PLCB4: variants seen among roughly 807,000 people sequenced by gnomAD.
The protein encoded by PLCB4 is phospholipase C beta 4, also known as 1-phosphatidylinositol 4,5-bisphosphate phosphodiesterase beta-4.
A neutral mutation model predicts 178.8 loss-of-function variants in PLCB4; 77 were observed. That is an observed-to-expected ratio of 0.43 (90% CI 0.36 to 0.52). PLCB4 has a LOEUF of 0.52. PLCB4 is among the 20% of genes least tolerant of loss of function. PLCB4 has a pLI of 0.00. For missense variants in PLCB4, 1,024 were observed against 1,453.4 expected (o/e 0.70, Z 4.80); for synonymous variants, 496 against 490.8 (o/e 1.01, Z -0.14).
intron 7 of PLCB4, among the ~76,000 whole-genome samples, chr20:9,353,881 A>C (rs2034556991): frequency 6.6e-6 from 1 of 152,206 alleles, no homozygotes; most frequent in Non-Finnish European, 1.5e-5. Flanking sequence ...GTACTGGCCC[A>C]AGTCATGTTC....
chr20:9,335,429 A>G (rs958189244), intron 4 of PLCB4, among the ~76,000 whole-genome samples: 8 of 152,190 alleles, frequency 5.3e-5, no homozygotes, highest in Admixed American at 1.3e-4. Flanking sequence ...AGATTCATCT[A>G]AAGTATCAAC....
At chr20:9,314,872 ATT>A (rs113478542) in intron 4 of PLCB4, among the ~76,000 whole-genome samples, 5 of 141,180 alleles carry the variant, frequency 3.5e-5, no homozygotes, top group Admixed American at 7.1e-5. Context: ...GGGTAGAGGA[ATT>A]TTTTTTTTTT....
chr20:9,069,263 A>C (rs946915410), intron 1 of PLCB4, 57 bp downstream of exon 1: 1 of 152,430 alleles, frequency 6.6e-6, no homozygotes, highest in Admixed American at 6.6e-5. Context: ...CTTGGCCCTC[A>C]GGGCTTGTTT....
chr20:9,429,584 G>C (rs1269881971), intron 28 of PLCB4, among the ~76,000 whole-genome samples: 1 of 152,170 alleles, frequency 6.6e-6, no homozygotes, highest in Non-Finnish European at 1.5e-5. Context: ...CATTTTTCAA[G>C]TACAGTTACA....
intron 22 of PLCB4, among the ~76,000 whole-genome samples, chr20:9,408,326 A>G (rs1323012168): frequency 6.6e-6 from 1 of 152,202 alleles, no homozygotes; most frequent in Non-Finnish European, 1.5e-5. Flanking sequence ...AAGTGCATTC[A>G]CAAGACTCCT....
chr20:9,422,820 G>C (rs770031472), intron 27 of PLCB4, among the ~76,000 whole-genome samples: 4 of 152,204 alleles, frequency 2.6e-5, no homozygotes, highest in Non-Finnish European at 4.4e-5. Flanking sequence ...AGGAGCAAGA[G>C]AGAGGGAAAT....
chr20:9,439,617 A>G (rs1351948477), intron 30 of PLCB4, among the ~76,000 whole-genome samples: 2 of 152,198 alleles, frequency 1.3e-5, no homozygotes, highest in African/African-American at 2.4e-5. Flanking sequence ...CTGGAATAGA[A>G]TGATCCACAG....
intron 4 of PLCB4, among the ~76,000 whole-genome samples, chr20:9,327,284 A>ATT (rs34675088): frequency 3.4e-5 from 5 of 148,660 alleles, no homozygotes; most frequent in African/African-American, 1.3e-4. Flanking sequence ...ACAAAAAAAA[A>ATT]TTTTTTTTTT....
chr20:9,402,263 A>T (rs1463155445), intron 20 of PLCB4, among the ~76,000 whole-genome samples: 1 of 152,220 alleles, frequency 6.6e-6, no homozygotes, highest in Non-Finnish European at 1.5e-5. Context: ...AGAATAATGA[A>T]GTAGAAAGAA....
intron 3 of PLCB4, among the ~76,000 whole-genome samples, chr20:9,276,214 G>C (rs910912216): frequency 6.6e-6 from 1 of 152,084 alleles, no homozygotes; most frequent in Non-Finnish European, 1.5e-5. Context: ...CAGGAATCCA[G>C]GCTGATGAGA....
intron 1 of PLCB4, among the ~76,000 whole-genome samples, chr20:9,075,748 G>A (rs1204575330): frequency 6.6e-6 from 1 of 152,232 alleles, no homozygotes; most frequent in Non-Finnish European, 1.5e-5. Flanking sequence ...AGGATTACCA[G>A]TGCCTCCACA....
At chr20:9,464,352 A>G (rs1185560871) in intron 35 of PLCB4, among the ~76,000 whole-genome samples, 1 of 152,208 alleles carries the variant, frequency 6.6e-6, no homozygotes, top group Non-Finnish European at 1.5e-5. Context: ...TGACACCCTA[A>G]CGTCACAATT....
At chr20:9,242,096 T>C (rs2094070068) in intron 3 of PLCB4, among the ~76,000 whole-genome samples, 1 of 152,180 alleles carries the variant, frequency 6.6e-6, no homozygotes, top group African/African-American at 2.4e-5. Flanking sequence ...GCAGGTGCTG[T>C]TTTCTCATTC....
intron 4 of PLCB4, among the ~76,000 whole-genome samples, chr20:9,311,959 C>T (rs1436673962): frequency 6.6e-6 from 1 of 152,164 alleles, no homozygotes; most frequent in Non-Finnish European, 1.5e-5. Context: ...TTTAATCTTA[C>T]ATAATTTAAA....
At chr20:9,206,023 A>G (rs1295182932) in intron 2 of PLCB4, among the ~76,000 whole-genome samples, 3 of 152,210 alleles carry the variant, frequency 2.0e-5, no homozygotes, top group Non-Finnish European at 2.9e-5. Flanking sequence ...TGAAAATTAC[A>G]TATGTAATTT....
At chr20:9,090,972 T>G (rs1019833870) in intron 1 of PLCB4, among the ~76,000 whole-genome samples, 1 of 152,176 alleles carries the variant, frequency 6.6e-6, no homozygotes, top group Admixed American at 6.6e-5. Flanking sequence ...TTCAAATGAA[T>G]TCATTATTTT....
chr20:9,275,255 C>T (rs1379389819), intron 3 of PLCB4, among the ~76,000 whole-genome samples: 1 of 151,940 alleles, frequency 6.6e-6, no homozygotes, highest in African/African-American at 2.4e-5. Flanking sequence ...AGCATAAACC[C>T]CTGATAAACC....
At position 9,265,603 on chromosome 20, in the gene PLCB4, G is replaced by A. The variant is rs139460680; in HGVS notation, c.-15-42197G>A. Among the ~76,000 whole-genome samples the A allele has an allele frequency of 3.4e-3, 513 of 152,236 alleles. 2 individuals carry two copies. Among genetic ancestry groups the A allele is most frequent in the African/African-American group, 0.011 (477 of 41,540 alleles). Reference sequence around the variant, plus strand: ...GAGTTCTGATTCTCACAGTGTTTTCGTTACCAGTTCTGTGGCCCTGGGTAT... The same window carrying A: ...GAGTTCTGATTCTCACAGTGTTTTCATTACCAGTTCTGTGGCCCTGGGTAT... On this transcript the variant is annotated intron_variant, in intron 3 of 39. Transcript: ENST00000378473.
At chr20:9,403,606 G>C (rs2039211227) in intron 20 of PLCB4, among the ~76,000 whole-genome samples, 1 of 152,190 alleles carries the variant, frequency 6.6e-6, no homozygotes, top group South Asian at 2.1e-4. Flanking sequence ...AAAAAGGAAA[G>C]TGACCTACAG....
Sources: gnomAD v4.1 joint callset for allele counts (sites outside exome capture counted in the v4.1 genomes callset) on GRCh38, gnomAD v4.1.1 for gene constraint, MANE v1.5 for transcripts, NCBI Gene and HGNC (gene_info 2026-07-23, HGNC 2026-07-21) for gene names.